The following RASGEF1C variants were observed in gnomAD, a reference collection of about 807,000 sequenced individuals.
RASGEF1C encodes the protein ras-GEF domain-containing family member 1C.
Under a neutral mutation model 58.1 loss-of-function variants are expected in RASGEF1C, and 27 were observed. The ratio of observed to expected loss-of-function variants is 0.46; its 90% CI spans 0.34 to 0.64. The LOEUF is 0.64. Among genes scored for constraint, RASGEF1C ranks in the 30% least tolerant of loss-of-function variants. RASGEF1C has a pLI of 0.01. For missense variants in RASGEF1C, 502 were observed against 605.1 expected (o/e 0.83, Z 1.79); for synonymous variants, 243 against 246.3 (o/e 0.99, Z 0.13).
intron 10 of RASGEF1C, among the ~76,000 whole-genome samples, chr5:180,117,269 G>T (rs1173055679): frequency 6.6e-6 from 1 of 152,212 alleles, no homozygotes; most frequent in Non-Finnish European, 1.5e-5. Flanking sequence ...CCGTGTGGCC[G>T]GTGTCTGCCC....
intron 1 of RASGEF1C, among the ~76,000 whole-genome samples, chr5:180,157,551 C>T (rs1766871244): frequency 6.6e-6 from 1 of 150,970 alleles, no homozygotes; most frequent in African/African-American, 2.4e-5. Flanking sequence ...TGCTTGAACC[C>T]AGGAGGCGGA....
At chr5:180,122,669 A>C (rs1179738099) in intron 6 of RASGEF1C, among the ~76,000 whole-genome samples, 1 of 147,650 alleles carries the variant, frequency 6.8e-6, no homozygotes, top group Non-Finnish European at 1.5e-5. Context: ...TGAACCCGGG[A>C]GGCAGAGGTT....
rs1327038183 is a variant in RASGEF1C, at chr5:180,168,733, T to C, written c.-6-30675A>G. On this transcript the variant is annotated intron_variant, in intron 1 of 13. Coordinates refer to ENST00000361132, the MANE Select transcript of RASGEF1C (RefSeq NM_175062.4). This position sits in a 1 kb window ranked among gnomAD's most constrained non-coding sequence, Gnocchi z 6.0. The stretch of plus-strand genomic sequence containing the variant: ...TGGAATTCTGGGCTCCTGTGGGACC[T>C]ACGCAATGCTCCCATGGGATTACTT... Among the ~76,000 whole-genome samples the C allele has an allele frequency of 6.6e-6, 1 of 152,178 alleles. No individual in the cohort carries two copies. Among genetic ancestry groups the C allele is most frequent in the Non-Finnish European group, 1.5e-5 (1 of 68,026 alleles).
rs1318171461 is a variant in RASGEF1C at position 180,137,232 on chromosome 5, A to G, written c.300+358T>C. ...CTACCGACGCGTGTGCAATAGAGGC[A>G]GCCCGCAGGACCCGGCCAGGACTGG... On this transcript the variant is annotated intron_variant, in intron 3 of 13. Transcript: ENST00000361132. This position sits in a 1 kb window ranked among gnomAD's most constrained non-coding sequence, Gnocchi z 4.1. Among the ~76,000 whole-genome samples, 2 of 152,114 alleles carry G rather than the reference A, an allele frequency of 1.3e-5. No individual in the cohort carries two copies. The highest frequency in any genetic ancestry group is 2.9e-5 in the Non-Finnish European group (2 of 67,996).
chr5:180,177,920 C>T lies in RASGEF1C; in HGVS notation c.-7+31108G>A, dbSNP rs972075684. 5.9e-5 allele frequency among the ~76,000 whole-genome samples: 9 copies of T among 151,382 alleles called. No individual in the cohort carries two copies. The highest frequency in any genetic ancestry group is 2.0e-4 in the Admixed American group (3 of 15,202). On this transcript the variant is annotated intron_variant, in intron 1 of 13. Transcript: ENST00000361132. The surrounding 1 kb of genome is among the most constrained non-coding windows in gnomAD (Gnocchi z 5.0). ...AAACGGAGCCAAGACTCACAGAGAC[C>T]GAGACCATGTCCCACATCCAGCCAT...
rs744251 is a variant in RASGEF1C at position 180,177,487 on chromosome 5, C to G, written c.-7+31541G>C. ...GAGCCCCGGGCTTCCTTCCGGGACC[C>G]CTGCCAAGGCTCAGCCCTGCTGCAG... is the stretch of plus-strand genomic sequence containing the variant. On this transcript the variant is annotated intron_variant, in intron 1 of 13. Transcript: ENST00000361132. This position sits in a 1 kb window ranked among gnomAD's most constrained non-coding sequence, Gnocchi z 5.0. 0.71 allele frequency among the ~76,000 whole-genome samples: 108,095 copies of G among 152,196 alleles called. 38,566 individuals carry two copies. Among genetic ancestry groups the G allele is most frequent in the Non-Finnish European group, 0.75 (50,822 of 67,990 alleles).
intron 6 of RASGEF1C, among the ~76,000 whole-genome samples, chr5:180,126,231 C>A (rs1582269303): frequency 6.6e-6 from 1 of 152,078 alleles, no homozygotes; most frequent in Non-Finnish European, 1.5e-5. Context: ...CACGGTGAAA[C>A]CCTGTCTCTA....
chr5:180,141,451 G>A (rs992244934), intron 1 of RASGEF1C, among the ~76,000 whole-genome samples: 47 of 152,304 alleles, frequency 3.1e-4, no homozygotes, highest in African/African-American at 1.1e-3. Context: ...TAAGTGAAAT[G>A]AGCCTGACAC....
At chr5:180,101,554 G>A in intron 13 of RASGEF1C, 29 bp from the exon 14 acceptor site, 2 of 1,609,808 alleles carry the variant, frequency 1.2e-6, no homozygotes, top group South Asian at 1.1e-5. Flanking sequence ...CGGGAGCGGT[G>A]AGAGCCTGGA....
At chr5:180,190,880 A>G (rs1394318653) in intron 1 of RASGEF1C, among the ~76,000 whole-genome samples, 1 of 152,218 alleles carries the variant, frequency 6.6e-6, no homozygotes, top group African/African-American at 2.4e-5. Context: ...ATTGAGAATA[A>G]AATGGCAGCC....
chr5:180,135,486 C>T lies in RASGEF1C; in HGVS notation c.438+892G>A, dbSNP rs190166837. ...TCAACATGTGCCCCCGCCCACGTTT[C>T]CCCCTTCCAGGTAATGCTACACCAG... is the stretch of plus-strand genomic sequence containing the variant. On this transcript the variant is annotated intron_variant, in intron 4 of 13. Coordinates refer to ENST00000361132, the MANE Select transcript of RASGEF1C (RefSeq NM_175062.4). Among the ~76,000 whole-genome samples the T allele has an allele frequency of 8.7e-4, 133 of 152,340 alleles. 3 individuals are homozygous for T. In the South Asian group the frequency reaches 0.026, roughly 30 times the overall value.
At chr5:180,150,750 CA>C (rs1217239116) in intron 1 of RASGEF1C, among the ~76,000 whole-genome samples, 1 of 152,064 alleles carries the variant, frequency 6.6e-6, no homozygotes, top group Non-Finnish European at 1.5e-5. Flanking sequence ...AAAGGGTATT[CA>C]ATTAGGAAAA....
intron 1 of RASGEF1C, among the ~76,000 whole-genome samples, chr5:180,203,092 T>C (rs577302378): frequency 6.6e-6 from 1 of 152,276 alleles, no homozygotes; most frequent in East Asian, 1.9e-4. Flanking sequence ...AAATAAATAT[T>C]AGTAATCAGA....
At chr5:180,179,006 G>A (rs1380044962) in intron 1 of RASGEF1C, among the ~76,000 whole-genome samples, 1 of 152,128 alleles carries the variant, frequency 6.6e-6, no homozygotes, top group East Asian at 1.9e-4. Context: ...CCGGCCATGG[G>A]GCCTGGGGCC....
chr5:180,203,824 A>G (rs1179253265), intron 1 of RASGEF1C, among the ~76,000 whole-genome samples: 1 of 152,092 alleles, frequency 6.6e-6, no homozygotes, highest in Non-Finnish European at 1.5e-5. Flanking sequence ...ATGAAACCCC[A>G]TCTCTACCAA....
intron 1 of RASGEF1C, among the ~76,000 whole-genome samples, chr5:180,207,713 G>A (rs1195903600): frequency 3.3e-5 from 5 of 152,062 alleles, no homozygotes; most frequent in African/African-American, 1.2e-4. Flanking sequence ...AAACCGCCTG[G>A]GGGCTGCCCA....
At chr5:180,182,130 G>A (rs531052284) in intron 1 of RASGEF1C, among the ~76,000 whole-genome samples, 17 of 148,400 alleles carry the variant, frequency 1.1e-4, no homozygotes, top group South Asian at 2.2e-4. Context: ...GCGGGAACCC[G>A]GGAGGTGGAG....
At chr5:180,164,323 T>C (rs995602340) in intron 1 of RASGEF1C, among the ~76,000 whole-genome samples, 3 of 152,234 alleles carry the variant, frequency 2.0e-5, no homozygotes, top group Admixed American at 6.5e-5. Flanking sequence ...ATTTCAATGA[T>C]TGATTTGAGA....
rs768340365 is a variant in RASGEF1C, at chr5:180,118,580, C to A, written c.1083+29G>T. ...CAGCACCCAGGTTCCCTGCTGCAGCCCCCCTGGGCCAACGTGGCCCCGACC... is the reference window on the plus strand; with the variant it reads ...CAGCACCCAGGTTCCCTGCTGCAGCACCCCTGGGCCAACGTGGCCCCGACC... On this transcript the variant is annotated intron_variant, in intron 10 of 13. Coordinates refer to ENST00000361132, the MANE Select transcript of RASGEF1C (RefSeq NM_175062.4). 5.2e-5 allele frequency: 82 copies of A among 1,566,668 alleles called. No homozygotes were observed. In the South Asian group the frequency reaches 6.0e-4, roughly 11 times the overall value.
Sources: gnomAD v4.1 joint callset for allele counts (sites outside exome capture counted in the v4.1 genomes callset) on GRCh38, gnomAD v4.1.1 for gene constraint, Gnocchi (gnomAD v3.1) non-coding constraint, MANE v1.5 for transcripts, NCBI Gene and HGNC (gene_info 2026-07-23, HGNC 2026-07-21) for gene names.